The following FAM184B variants were observed in gnomAD, a reference collection of about 807,000 sequenced individuals.
FAM184B encodes protein FAM184B.
FAM184B carries 111 observed loss-of-function variants against 135.9 expected under a neutral mutation model. The observed-to-expected ratio is 0.82, with a 90% CI of 0.70 to 0.96. The LOEUF (loss-of-function observed/expected upper bound fraction) is 0.96, where lower values mean the gene tolerates loss of function less well. Ranked by LOEUF, FAM184B falls within the 40% of genes least tolerant of loss-of-function variation. FAM184B has a pLI of 0.00. For synonymous variants in FAM184B, 552 were observed against 524.8 expected (o/e 1.05, Z -0.71); for missense variants, 1,375 against 1,323.9 (o/e 1.04, Z -0.60).
intron 8 of FAM184B, among the ~76,000 whole-genome samples, chr4:17,664,082 A>G (rs1715988530): frequency 6.6e-6 from 1 of 152,160 alleles, no homozygotes; most frequent in Non-Finnish European, 1.5e-5. Context: ...ACGACCTAAT[A>G]TACCCGCAGA....
Position 17,707,701 on chromosome 4 carries a change from A to G in FAM184B, c.978T>C (p.Ala326=), listed in dbSNP as rs1047203433. The part of the protein sequence containing the change: ...GTAKKLGEKL[A]VAKDRMMLQE... ...GCAGCATCATTCTGTCTTTGGCAACAGCCAGCTTCTCCCCAAGTTTTTTTG... is the reference window on the plus strand; with the variant it reads ...GCAGCATCATTCTGTCTTTGGCAACGGCCAGCTTCTCCCCAAGTTTTTTTG... Residue 326 remains alanine, a synonymous_variant, in exon 3 of 18, where the codon GCT becomes GCC. Coordinates refer to ENST00000265018, the MANE Select transcript of FAM184B (RefSeq NM_015688.2). 90 of 1,551,696 alleles carry G rather than the reference A, an allele frequency of 5.8e-5. No individual in the cohort carries two copies. Among genetic ancestry groups the G allele is most frequent in the Non-Finnish European group, 7.4e-5 (85 of 1,147,038 alleles).
chr4:17,657,855 C>A (rs1351154641), intron 10 of FAM184B, among the ~76,000 whole-genome samples: 90 of 152,018 alleles, frequency 5.9e-4, no homozygotes, highest in Admixed American at 5.7e-3. Flanking sequence ...CAGGGTTTCA[C>A]CATGTTGGTC....
chr4:17,699,844 A>G (rs6837577), intron 5 of FAM184B, among the ~76,000 whole-genome samples: 144,142 of 152,034 alleles, frequency 0.95, 68,777 homozygotes, highest in Non-Finnish European at 1. Flanking sequence ...GTTTAAGCAA[A>G]TATAAAAGCA....
intron 1 of FAM184B, among the ~76,000 whole-genome samples, chr4:17,747,693 G>A (rs923533592): frequency 6.6e-6 from 1 of 151,864 alleles, no homozygotes; most frequent in Admixed American, 6.6e-5. Flanking sequence ...AGGCCGAGGC[G>A]GGCGGATCAT....
At chr4:17,778,533 AC>A (rs1393195796) in intron 1 of FAM184B, among the ~76,000 whole-genome samples, 2 of 152,240 alleles carry the variant, frequency 1.3e-5, no homozygotes, top group Non-Finnish European at 2.9e-5. Context: ...AATTTAATTA[AC>A]TTTTAACTAT....
intron 7 of FAM184B, among the ~76,000 whole-genome samples, chr4:17,678,356 T>C (rs1184150690): frequency 6.6e-6 from 1 of 152,150 alleles, no homozygotes; most frequent in African/African-American, 2.4e-5. Flanking sequence ...TACAAATCAG[T>C]AGCTCTTCTA....
intron 7 of FAM184B, among the ~76,000 whole-genome samples, chr4:17,665,554 T>C (rs1295608906): frequency 2.0e-5 from 3 of 152,146 alleles, no homozygotes; most frequent in Non-Finnish European, 4.4e-5. Flanking sequence ...GACCTGAGTT[T>C]CATCAACTGT....
At chr4:17,647,207 T>A (rs1715490560) in intron 12 of FAM184B, among the ~76,000 whole-genome samples, 1 of 150,796 alleles carries the variant, frequency 6.6e-6, no homozygotes, top group African/African-American at 2.4e-5. Context: ...TCTTCCCCAC[T>A]TCGGGCAGGG....
At chr4:17,640,493 AAAG>A (rs1262336378) in intron 13 of FAM184B, among the ~76,000 whole-genome samples, 20 of 151,302 alleles carry the variant, frequency 1.3e-4, no homozygotes, top group African/African-American at 4.8e-4. Flanking sequence ...AAAAAAAAAA[AAAG>A]AAAATAAATG....
intron 2 of FAM184B, 28 bp downstream of exon 2, chr4:17,708,864 G>A (rs1357347080): frequency 6.8e-7 from 1 of 1,479,380 alleles, no homozygotes; most frequent in African/African-American, 1.4e-5. Flanking sequence ...TTATCCCTTT[G>A]GGGTTGTAAG....
chr4:17,640,878 T>G (rs949031073), intron 13 of FAM184B, among the ~76,000 whole-genome samples: 2 of 152,200 alleles, frequency 1.3e-5, no homozygotes, highest in Admixed American at 6.5e-5. Context: ...ATGCCAAGCC[T>G]CCTGCACACA....
intron 5 of FAM184B, among the ~76,000 whole-genome samples, chr4:17,697,153 G>A (rs1478416503): frequency 6.6e-6 from 1 of 152,138 alleles, no homozygotes; most frequent in African/African-American, 2.4e-5. Context: ...GTACCACTGA[G>A]GAGAGAGGGA....
chr4:17,777,956 C>T (rs1371425260), intron 1 of FAM184B, among the ~76,000 whole-genome samples: 1 of 151,856 alleles, frequency 6.6e-6, no homozygotes, highest in East Asian at 1.9e-4. Flanking sequence ...TAAAAATTAG[C>T]TGGGCATGGT....
rs1243939848 is a variant in FAM184B, at chr4:17,631,049, T to C, written c.*1483A>G. The C allele has an allele frequency of 6.6e-6, 1 of 152,216 alleles. No homozygotes were observed. The highest frequency in any genetic ancestry group is 1.5e-5 in the Non-Finnish European group (1 of 68,034). 9.4% of individuals were successfully genotyped at this position (152,216 alleles called of 1,614,324 possible). Reference sequence around the variant, plus strand: ...GTTATTGAGTCTTGTCAAATCACATTGCTCTGTCAGAAGGTAAGACAAATC... The same window carrying C: ...GTTATTGAGTCTTGTCAAATCACATCGCTCTGTCAGAAGGTAAGACAAATC... On this transcript the variant is annotated 3_prime_UTR_variant, in exon 18 of 18. Coordinates refer to ENST00000265018, the MANE Select transcript of FAM184B (RefSeq NM_015688.2).
intron 7 of FAM184B, among the ~76,000 whole-genome samples, chr4:17,682,868 G>A (rs896164092): frequency 6.6e-6 from 1 of 152,190 alleles, no homozygotes; most frequent in African/African-American, 2.4e-5. Context: ...AAACCCCTGA[G>A]TCTTGAACAA....
chr4:17,728,862 A>T (rs1213993195), intron 1 of FAM184B, among the ~76,000 whole-genome samples: 2 of 152,170 alleles, frequency 1.3e-5, no homozygotes, highest in Non-Finnish European at 2.9e-5. Flanking sequence ...CATCTGAGGT[A>T]CCGGGTTCAT....
chr4:17,741,933 A>G (rs528122596), intron 1 of FAM184B, among the ~76,000 whole-genome samples: 2 of 152,156 alleles, frequency 1.3e-5, no homozygotes, highest in East Asian at 1.9e-4. Context: ...TTTACTATCA[A>G]TAGAAGTTAC....
At chr4:17,748,538 A>G (rs1325782771) in intron 1 of FAM184B, among the ~76,000 whole-genome samples, 1 of 127,496 alleles carries the variant, frequency 7.8e-6, no homozygotes, top group Non-Finnish European at 1.6e-5. Context: ...TTTTTAGACA[A>G]TGTCTCGCTC....
chr4:17,673,529 T>C (rs1716227175), intron 7 of FAM184B, among the ~76,000 whole-genome samples: 1 of 152,084 alleles, frequency 6.6e-6, no homozygotes, highest in South Asian at 2.1e-4. Flanking sequence ...TGCTCATCAA[T>C]CAACGAGCAG....
Sources: allele counts gnomAD v4.1 joint callset (sites outside exome capture counted in the v4.1 genomes callset), GRCh38; gene constraint gnomAD v4.1.1; transcripts MANE v1.5; gene names NCBI Gene and HGNC (gene_info 2026-07-23, HGNC 2026-07-21).